The following TMEM132D variants were observed in gnomAD, a reference collection of about 807,000 sequenced individuals.
The protein encoded by TMEM132D is mature OL transmembrane protein.
A neutral mutation model predicts 62.3 loss-of-function variants in TMEM132D; 21 were observed. The ratio of observed to expected loss-of-function variants is 0.34; its 90% CI spans 0.24 to 0.49. TMEM132D has a LOEUF of 0.49. TMEM132D is among the 20% of genes least tolerant of loss of function. The pLI is 0.99. For missense variants in TMEM132D, 1,346 were observed against 1,402.8 expected (o/e 0.96, Z 0.65); for synonymous variants, 621 against 575.6 (o/e 1.08, Z -1.13).
chr12:129,113,757 C>T lies in TMEM132D; in HGVS notation c.1444-29055G>A, dbSNP rs538370199. ...GCAGAGATAAGAGTCATCTCCTTCT[C>T]GGTGGGAAAGGGCCGGGCTGGGTGG... On this transcript the variant is annotated intron_variant, in intron 5 of 8. Coordinates refer to ENST00000422113, the MANE Select transcript of TMEM132D (RefSeq NM_133448.3). 1.1e-4 allele frequency among the ~76,000 whole-genome samples: 17 copies of T among 151,822 alleles called. No homozygotes were observed. In the South Asian group the frequency reaches 3.4e-3, roughly 30 times the overall value.
In TMEM132D at chr12:129,615,366, G is replaced by A. The variant is rs557727804; in HGVS notation, c.969-84161C>T. ...TTTGTTTAGGTGAAAGGTTACAAAA[G>A]GAGGGTTTTCAGTTCATCGTCACAG... On this transcript the variant is annotated intron_variant, in intron 2 of 8. Transcript: ENST00000422113. Among the ~76,000 whole-genome samples, 76 of 152,092 alleles carry A rather than the reference G, an allele frequency of 5.0e-4. No homozygotes were observed. In the South Asian group the frequency reaches 0.015, roughly 31 times the overall value.
At chr12:129,577,290 A>G (rs2137123713) in intron 2 of TMEM132D, among the ~76,000 whole-genome samples, 1 of 151,800 alleles carries the variant, frequency 6.6e-6, no homozygotes, top group Non-Finnish European at 1.5e-5. Flanking sequence ...CACCCACAAA[A>G]TTACTACAGT....
chr12:129,205,537 A>T (rs960504342), intron 5 of TMEM132D, among the ~76,000 whole-genome samples: 1 of 152,232 alleles, frequency 6.6e-6, no homozygotes, highest in African/African-American at 2.4e-5. Context: ...AGACCTAGGA[A>T]GAGACTTAGA....
At chr12:129,489,935 A>G (rs997967194) in intron 3 of TMEM132D, among the ~76,000 whole-genome samples, 3 of 152,242 alleles carry the variant, frequency 2.0e-5, no homozygotes, top group Non-Finnish European at 2.9e-5. Flanking sequence ...TGTCAATAAC[A>G]GAGAGGAAGA....
At chr12:129,681,207 T>C (rs1880770158) in intron 2 of TMEM132D, among the ~76,000 whole-genome samples, 1 of 152,226 alleles carries the variant, frequency 6.6e-6, no homozygotes, top group African/African-American at 2.4e-5. Flanking sequence ...GTGACACTTT[T>C]CATGACTACT....
intron 5 of TMEM132D, among the ~76,000 whole-genome samples, chr12:129,126,868 G>A (rs1363513276): frequency 1.3e-5 from 2 of 152,214 alleles, no homozygotes; most frequent in South Asian, 4.1e-4. Context: ...GAAGGGACAT[G>A]TCATCATTGC....
At chr12:129,760,360 C>A (rs1870320273) in intron 1 of TMEM132D, among the ~76,000 whole-genome samples, 1 of 116,724 alleles carries the variant, frequency 8.6e-6, no homozygotes, top group Admixed American at 1.1e-4. Context: ...GAGATGGAGT[C>A]TCGCTCTTTT....
intron 1 of TMEM132D, among the ~76,000 whole-genome samples, chr12:129,870,267 G>A (rs906280995): frequency 2.6e-5 from 4 of 152,134 alleles, no homozygotes; most frequent in Non-Finnish European, 4.4e-5. Context: ...ACAGGCATGA[G>A]CCACCATGCC....
At chr12:129,218,400 C>T (rs115252933) in intron 4 of TMEM132D, among the ~76,000 whole-genome samples, 1 of 152,148 alleles carries the variant, frequency 6.6e-6, no homozygotes, top group Non-Finnish European at 1.5e-5. Flanking sequence ...ACACACCTGG[C>T]CATACGGCAT....
intron 5 of TMEM132D, chr12:129,110,026 C>T (rs1293203914): frequency 3.3e-5 from 5 of 152,250 alleles, no homozygotes; most frequent in Admixed American, 2.0e-4. Flanking sequence ...TGGGCAACCT[C>T]TGCGGCAGCA....
intron 3 of TMEM132D, among the ~76,000 whole-genome samples, chr12:129,389,570 C>T (rs1167654015): frequency 4.0e-5 from 6 of 151,822 alleles, no homozygotes; most frequent in Non-Finnish European, 8.8e-5. Context: ...CTAATACAAA[C>T]ACCAATACCA....
intron 3 of TMEM132D, among the ~76,000 whole-genome samples, chr12:129,509,665 T>C (rs1875441076): frequency 6.6e-6 from 1 of 152,052 alleles, no homozygotes; most frequent in African/African-American, 2.4e-5. Context: ...CTTATACTAT[T>C]TCCATGAGCT....
rs765569025 is a variant in TMEM132D at position 129,525,226 on chromosome 12, GTTTTTTTTTTTTTTTTTTT to G, written c.1115+5814_1115+5832del. 7.4e-5 allele frequency among the ~76,000 whole-genome samples: 5 copies of G among 67,396 alleles called. No homozygotes were observed. In the South Asian group the frequency reaches 3.3e-3, roughly 44 times the overall value. 44.2% of individuals were successfully genotyped at this position (67,396 alleles called of 152,430 possible). A position where few individuals can be genotyped will look rare whatever the true frequency, so the allele number is the denominator to read the frequency against. On this transcript the variant is annotated intron_variant, in intron 3 of 8. Transcript: ENST00000422113. ...GGGTATGAGCCACGGTGCCCAGCCG[GTTTTTTTTTTTTTTTTTTT>G]TTTTTTTTTTGCTAATATAATTAAT...
chr12:129,419,519 GGA>G (rs71082708), intron 3 of TMEM132D, among the ~76,000 whole-genome samples: 26,674 of 151,368 alleles, frequency 0.18, 2,722 homozygotes, highest in East Asian at 0.3. Flanking sequence ...AGGGACAGAA[GGA>G]GAGAGAGAGA....
chr12:129,512,895 G>A (rs1196601052), intron 3 of TMEM132D, among the ~76,000 whole-genome samples: 1 of 152,164 alleles, frequency 6.6e-6, no homozygotes, highest in Non-Finnish European at 1.5e-5. Flanking sequence ...TCTGCTAGGA[G>A]TTCATTAGAA....
At chr12:129,398,578 G>A (rs1416835464) in intron 3 of TMEM132D, among the ~76,000 whole-genome samples, 3 of 152,188 alleles carry the variant, frequency 2.0e-5, no homozygotes, top group Non-Finnish European at 2.9e-5. Flanking sequence ...ACAGGCAAAG[G>A]AGGAGGGGGT....
At chr12:129,424,612 G>A (rs892947159) in intron 3 of TMEM132D, among the ~76,000 whole-genome samples, 2 of 148,372 alleles carry the variant, frequency 1.3e-5, no homozygotes, top group Non-Finnish European at 3.0e-5. Context: ...GGAGGCTGAG[G>A]CAGGAGAATG....
chr12:129,872,533 C>G (rs1874282073), intron 1 of TMEM132D, among the ~76,000 whole-genome samples: 1 of 152,192 alleles, frequency 6.6e-6, no homozygotes, highest in Non-Finnish European at 1.5e-5. Context: ...TCTATCAAGT[C>G]TAAAAGCTGC....
At chr12:129,695,657 CCATTTTACTTCATGGAAGCTG>C (rs1376877736) in intron 2 of TMEM132D, among the ~76,000 whole-genome samples, 1 of 152,250 alleles carries the variant, frequency 6.6e-6, no homozygotes, top group Non-Finnish European at 1.5e-5. Context: ...ATTCGAGGAA[CCATTTTACTTCATGGAAGCTG>C]CATCTGGTCC....
Sources: allele counts gnomAD v4.1 joint callset (sites outside exome capture counted in the v4.1 genomes callset), GRCh38; gene constraint gnomAD v4.1.1; transcripts MANE v1.5; gene names NCBI Gene and HGNC (gene_info 2026-07-23, HGNC 2026-07-21).